The following ZNRF1 variants were observed in gnomAD, a reference collection of about 807,000 sequenced individuals.
The protein encoded by ZNRF1 is zinc and ring finger 1.
A neutral mutation model predicts 18.4 loss-of-function variants in ZNRF1; 3 were observed. The observed-to-expected ratio is 0.16, with a 90% CI of 0.07 to 0.42. The LOEUF (loss-of-function observed/expected upper bound fraction) is 0.42. Ranked by LOEUF, ZNRF1 falls within the 10% of genes least tolerant of loss-of-function variation. The pLI, the probability that ZNRF1 is intolerant of heterozygous loss-of-function variation, is 0.99. For missense variants in ZNRF1, 310 were observed against 329.8 expected, an observed-to-expected ratio of 0.94 and a Z score of 0.47; for synonymous variants, 157 against 144.2, an observed-to-expected ratio of 1.09 and a Z score of -0.64.
chr16:75,020,002 C>T (rs141557493), intron 1 of ZNRF1, among the ~76,000 whole-genome samples: 19 of 152,310 alleles, frequency 1.2e-4, no homozygotes, highest in East Asian at 1.9e-4. Flanking sequence ...TGAGCCACCG[C>T]GCCCAGCCAG....
chr16:75,042,254 A>G (rs926499109), intron 1 of ZNRF1, among the ~76,000 whole-genome samples: 1 of 152,050 alleles, frequency 6.6e-6, no homozygotes, highest in African/African-American at 2.4e-5. Context: ...TTGGTTGTCT[A>G]ATTTATCAAT....
intron 4 of ZNRF1, chr16:75,107,128 C>T (rs1412162914): frequency 1.2e-5 from 2 of 173,638 alleles, no homozygotes; most frequent in Admixed American, 5.4e-5. Context: ...GACTCGATCC[C>T]TCTATCCCAC....
At chr16:75,087,422 A>C (rs2036086688) in intron 1 of ZNRF1, among the ~76,000 whole-genome samples, 1 of 152,226 alleles carries the variant, frequency 6.6e-6, no homozygotes, top group Admixed American at 6.5e-5. Flanking sequence ...TTCCCACTTA[A>C]GGCACTTGTT....
At chr16:75,028,177 C>T (rs1192001458) in intron 1 of ZNRF1, among the ~76,000 whole-genome samples, 1 of 152,230 alleles carries the variant, frequency 6.6e-6, no homozygotes, top group African/African-American at 2.4e-5. Flanking sequence ...TCTAGTGGTA[C>T]ATTCCTATTG....
chr16:75,057,634 T>C (rs1451568448), intron 1 of ZNRF1, among the ~76,000 whole-genome samples: 1 of 152,200 alleles, frequency 6.6e-6, no homozygotes, highest in African/African-American at 2.4e-5. Flanking sequence ...GAAACTGCTA[T>C]GTATTTTTCA....
chr16:75,075,133 A>C (rs2035923030), intron 1 of ZNRF1, among the ~76,000 whole-genome samples: 1 of 151,534 alleles, frequency 6.6e-6, no homozygotes, highest in African/African-American at 2.4e-5. Flanking sequence ...GGCTCCTCCT[A>C]CTCTTCATTG....
At chr16:75,017,919 A>G (rs1190492259) in intron 1 of ZNRF1, among the ~76,000 whole-genome samples, 1 of 152,200 alleles carries the variant, frequency 6.6e-6, no homozygotes, top group Non-Finnish European at 1.5e-5. Context: ...AGTTAAGGTC[A>G]CAGGCTTGGC....
chr16:75,058,304 G>A (rs931161342), intron 1 of ZNRF1, among the ~76,000 whole-genome samples: 8 of 151,964 alleles, frequency 5.3e-5, no homozygotes, highest in East Asian at 3.9e-4. Context: ...TCTGAGGAGC[G>A]CTGTGGCTGG....
chr16:75,095,529 C>T (rs1403015554), intron 2 of ZNRF1: 17 of 1,413,196 alleles, frequency 1.2e-5, no homozygotes, highest in Non-Finnish European at 1.5e-5. Flanking sequence ...TGTGTGGAGA[C>T]CTCATGAAGT....
chr16:75,107,534 A>G (rs370783234), intron 4 of ZNRF1, 199 bp from the exon 5 acceptor site: 1 of 343,780 alleles, frequency 2.9e-6, no homozygotes. Flanking sequence ...GGGGAGAAGA[A>G]AGAGCCAGGG....
intron 1 of ZNRF1, among the ~76,000 whole-genome samples, chr16:75,070,972 A>G (rs1403018984): frequency 5.3e-5 from 8 of 152,244 alleles, no homozygotes; most frequent in Admixed American, 5.2e-4. Context: ...GATCACCTAC[A>G]ACAACTATTT....
At chr16:75,025,782 G>A (rs1012438161) in intron 1 of ZNRF1, among the ~76,000 whole-genome samples, 3 of 152,080 alleles carry the variant, frequency 2.0e-5, no homozygotes, top group African/African-American at 7.2e-5. Context: ...TCTTTCTGAT[G>A]GGATGATTGC....
At chr16:75,012,442 C>A (rs542350074) in intron 1 of ZNRF1, among the ~76,000 whole-genome samples, 23 of 152,266 alleles carry the variant, frequency 1.5e-4, no homozygotes, top group Admixed American at 9.8e-4. Context: ...CCCCCTTTTC[C>A]ATATGGTCAG....
chr16:75,019,400 C>T (rs2035115031), intron 1 of ZNRF1, among the ~76,000 whole-genome samples: 1 of 151,988 alleles, frequency 6.6e-6, no homozygotes, highest in African/African-American at 2.4e-5. Context: ...AGTGCAAAGA[C>T]ATAACTGTAG....
At chr16:75,050,380 G>C (rs927253633) in intron 1 of ZNRF1, among the ~76,000 whole-genome samples, 3 of 151,982 alleles carry the variant, frequency 2.0e-5, no homozygotes, top group Non-Finnish European at 4.4e-5. Context: ...ACAAAAATTA[G>C]CTGGGCGTGG....
chr16:75,062,469 AAG>A (rs2035755863), intron 1 of ZNRF1, among the ~76,000 whole-genome samples: 1 of 152,238 alleles, frequency 6.6e-6, no homozygotes, highest in African/African-American at 2.4e-5. Context: ...AGCTAAGTCA[AAG>A]AGAGTGCAAA....
intron 1 of ZNRF1, among the ~76,000 whole-genome samples, chr16:75,020,624 C>A (rs1279835379): frequency 6.6e-6 from 1 of 151,924 alleles, no homozygotes; most frequent in Middle Eastern, 3.2e-3. Context: ...TCACTGCAGG[C>A]CCCGCCTCCC....
chr16:75,101,320 C>T (rs1003550150), intron 2 of ZNRF1, among the ~76,000 whole-genome samples: 35 of 152,296 alleles, frequency 2.3e-4, no homozygotes, highest in African/African-American at 8.2e-4. Context: ...CTTTGGGAGG[C>T]CGAGGTAGGT....
At chr16:75,020,605 G>C (rs1327941615) in intron 1 of ZNRF1, among the ~76,000 whole-genome samples, 1 of 151,394 alleles carries the variant, frequency 6.6e-6, no homozygotes, top group Non-Finnish European at 1.5e-5. Flanking sequence ...TCAGTGGCGC[G>C]ATCTTGGCTC....
Sources: allele counts gnomAD v4.1 joint callset (sites outside exome capture counted in the v4.1 genomes callset), GRCh38; gene constraint gnomAD v4.1.1; transcripts MANE v1.5; gene names NCBI Gene and HGNC (gene_info 2026-07-23, HGNC 2026-07-21).